ERI1: variants seen among roughly 807,000 people sequenced by gnomAD.
ERI1 encodes 3'-5' exoribonuclease 1.
A neutral mutation model predicts 39.7 loss-of-function variants in ERI1; 39 were observed. The observed-to-expected ratio is 0.98, with a 90% CI of 0.76 to 1.28. The LOEUF (loss-of-function observed/expected upper bound fraction) is 1.28. Among genes scored for constraint, ERI1 ranks in the 50% most tolerant of loss-of-function variants. The pLI, the probability that ERI1 is intolerant of heterozygous loss-of-function variation, is 0.00. For missense variants in ERI1, 581 were observed against 416.9 expected (o/e 1.39, Z -3.43); for synonymous variants, 204 against 149.6 (o/e 1.36, Z -2.65).
intron 3 of ERI1, among the ~76,000 whole-genome samples, chr8:9,078,094 A>G (rs1238727750): frequency 6.6e-6 from 1 of 151,958 alleles, no homozygotes; most frequent in Admixed American, 6.6e-5. Flanking sequence ...GGTTCAAGTG[A>G]TTCTCCCGCC....
rs114807283 is a variant in ERI1 at position 9,024,672 on chromosome 8, C to T, written c.807+4208C>T. On this transcript the variant is annotated intron_variant, in intron 6 of 6. Coordinates refer to ENST00000250263, the MANE Select transcript of ERI1 (RefSeq NM_153332.4). Reference sequence around the variant, plus strand: ...CTCCTGACCTCAAATGATCTGCCCCCCCTCGGCCTCCTAAAGTGCTAGGAT... The same window carrying T: ...CTCCTGACCTCAAATGATCTGCCCCTCCTCGGCCTCCTAAAGTGCTAGGAT... Among the ~76,000 whole-genome samples the T allele has an allele frequency of 8.2e-3, 1,255 of 152,188 alleles. 17 individuals carry two copies. The highest frequency in any genetic ancestry group is 0.029 in the African/African-American group (1,200 of 41,528).
At chr8:9,054,681 T>G (rs1332142819) in intron 3 of ERI1, among the ~76,000 whole-genome samples, 1 of 152,236 alleles carries the variant, frequency 6.6e-6, no homozygotes, top group Non-Finnish European at 1.5e-5. Context: ...TCCCAGCACT[T>G]TGGGAGGCCA....
intron 3 of ERI1, among the ~76,000 whole-genome samples, chr8:9,066,382 G>C (rs1332594916): frequency 6.6e-6 from 1 of 152,236 alleles, no homozygotes; most frequent in Non-Finnish European, 1.5e-5. Flanking sequence ...CCATGTGTTG[G>C]ATAAGAAGAA....
chr8:9,090,525 G>T (rs1000593526), intron 3 of ERI1, among the ~76,000 whole-genome samples: 14 of 152,190 alleles, frequency 9.2e-5, no homozygotes, highest in Non-Finnish European at 2.9e-5. Context: ...AGTAGAATAC[G>T]TTGGAATTAC....
intron 3 of ERI1, among the ~76,000 whole-genome samples, chr8:9,061,852 C>T (rs1033593633): frequency 6.6e-6 from 1 of 151,176 alleles, no homozygotes; most frequent in Non-Finnish European, 1.5e-5. Flanking sequence ...TGATGGGTGT[C>T]AGGGTCAGTC....
chr8:9,007,714 C>A (rs550052748), intron 1 of ERI1, among the ~76,000 whole-genome samples: 1 of 152,122 alleles, frequency 6.6e-6, no homozygotes, highest in Admixed American at 6.5e-5. Flanking sequence ...ACTCCCACCA[C>A]CAGTCTTCTT....
chr8:9,037,274 C>CG (rs1373378147), downstream of ERI1, among the ~76,000 whole-genome samples: 4 of 152,190 alleles, frequency 2.6e-5, no homozygotes, highest in South Asian at 4.1e-4. Context: ...CCATCACACT[C>CG]GCGTTGAGTC....
intron 3 of ERI1, among the ~76,000 whole-genome samples, chr8:9,041,357 T>TAA (rs561959482): frequency 6.6e-6 from 1 of 152,104 alleles, no homozygotes; most frequent in Non-Finnish European, 1.5e-5. Context: ...GGGGAGCTTT[T>TAA]AAAAATCAGG....
intron 3 of ERI1, among the ~76,000 whole-genome samples, chr8:9,077,554 A>G (rs369481415): frequency 6.6e-6 from 1 of 152,114 alleles, no homozygotes; most frequent in East Asian, 1.9e-4. Flanking sequence ...TGGTGATGAG[A>G]TGTGGGAGAC....
intron 3 of ERI1, among the ~76,000 whole-genome samples, chr8:9,054,347 T>C (rs184824735): frequency 1.3e-5 from 2 of 152,356 alleles, no homozygotes; most frequent in East Asian, 3.9e-4. Context: ...GCTTTCCTTT[T>C]CTACAAATAC....
chr8:9,028,283 G>A, intron 6 of ERI1, among the ~76,000 whole-genome samples: 1 of 152,084 alleles, frequency 6.6e-6, no homozygotes, highest in African/African-American at 2.4e-5. Flanking sequence ...CTGTTTCTTT[G>A]TAATTCAATT....
intron 3 of ERI1, among the ~76,000 whole-genome samples, chr8:9,084,982 C>T (rs1489912055): frequency 2.0e-5 from 3 of 152,134 alleles, no homozygotes; most frequent in Non-Finnish European, 2.9e-5. Context: ...CCCCCTGCAT[C>T]CCCCTCCAGC....
At chr8:9,058,953 G>C (rs1161329093) in intron 3 of ERI1, among the ~76,000 whole-genome samples, 1 of 152,120 alleles carries the variant, frequency 6.6e-6, no homozygotes, top group Non-Finnish European at 1.5e-5. Flanking sequence ...AACAGGCTTT[G>C]TGTGAGCAAT....
At chr8:9,040,787 G>T (rs1261619503) in intron 3 of ERI1, among the ~76,000 whole-genome samples, 1 of 151,894 alleles carries the variant, frequency 6.6e-6, no homozygotes, top group African/African-American at 2.4e-5. Context: ...GACTTCCTTA[G>T]CGCTGACAAA....
chr8:9,039,508 A>T (rs937011817), intron 3 of ERI1, among the ~76,000 whole-genome samples: 3 of 152,310 alleles, frequency 2.0e-5, no homozygotes, highest in African/African-American at 7.2e-5. Flanking sequence ...ATTAGTGAAA[A>T]CAGTCAAGAT....
intron 3 of ERI1, among the ~76,000 whole-genome samples, chr8:9,056,483 G>A (rs931402513): frequency 1.3e-5 from 2 of 152,096 alleles, no homozygotes; most frequent in Non-Finnish European, 2.9e-5. Flanking sequence ...TTGTTTTCAA[G>A]TTTGGCTTTT....
downstream of ERI1, among the ~76,000 whole-genome samples, chr8:9,035,844 A>G (rs998704530): frequency 3.3e-5 from 5 of 152,228 alleles, no homozygotes; most frequent in African/African-American, 1.2e-4. Flanking sequence ...TCTATTCTGA[A>G]TGCCATTACA....
At chr8:9,003,971 C>T in intron 1 of ERI1, 2 of 710,228 alleles carry the variant, frequency 2.8e-6, no homozygotes, top group Non-Finnish European at 4.3e-6. Context: ...ATGAATTTGG[C>T]TTATTCCCCT....
chr8:9,027,348 A>G (rs1012603742), intron 6 of ERI1, among the ~76,000 whole-genome samples: 1 of 152,108 alleles, frequency 6.6e-6, no homozygotes, highest in African/African-American at 2.4e-5. Context: ...ATGAGGTATC[A>G]TGATGTTTTG....
Sources: allele counts gnomAD v4.1 joint callset (sites outside exome capture counted in the v4.1 genomes callset), GRCh38; gene constraint gnomAD v4.1.1; transcripts MANE v1.5; gene names NCBI Gene and HGNC (gene_info 2026-07-23, HGNC 2026-07-21).